The following WDR72 variants were observed in gnomAD, a reference collection of about 807,000 sequenced individuals.
WDR72 encodes the protein WD repeat-containing protein 72.
WDR72 carries 120 observed loss-of-function variants against 124.2 expected under a neutral mutation model. The ratio of observed to expected loss-of-function variants is 0.97; its 90% confidence interval spans 0.83 to 1.12. The LOEUF is 1.12. Ranked by LOEUF, WDR72 falls within the 50% of genes most tolerant of loss-of-function variation. WDR72 has a pLI of 0.00. For missense variants in WDR72, 1,387 were observed against 1,278.8 expected (o/e 1.08, Z -1.29); for synonymous variants, 452 against 441.7 (o/e 1.02, Z -0.29).
At chr15:53,647,755 G>A (rs774401455) in intron 14 of WDR72, among the ~76,000 whole-genome samples, 3 of 152,120 alleles carry the variant, frequency 2.0e-5, no homozygotes, top group Non-Finnish European at 2.9e-5. Context: ...ATGAGATTTG[G>A]GACATTGTTT....
rs180925711 is a variant in WDR72 at position 53,690,538 on chromosome 15, T to C, written c.1765+9212A>G. On this transcript the variant is annotated intron_variant, in intron 13 of 19. Coordinates refer to ENST00000360509, the MANE Select transcript of WDR72 (RefSeq NM_182758.4). ...TCATATAAAAAAGAATCATACAATA[T>C]GTGCATTTTTGTGTATGTCTGACTT... 4.6e-5 allele frequency among the ~76,000 whole-genome samples: 7 copies of C among 152,348 alleles called. No homozygotes were observed. The East Asian group carries it at 9.6e-4, about 21-fold the overall frequency.
intron 18 of WDR72, among the ~76,000 whole-genome samples, chr15:53,584,403 C>T (rs1297179039): frequency 6.6e-6 from 1 of 151,862 alleles, no homozygotes; most frequent in African/African-American, 2.4e-5. Flanking sequence ...GCAAGCTTTC[C>T]CTCCCCTATG....
chr15:53,598,996 C>T (rs902705215), intron 17 of WDR72, among the ~76,000 whole-genome samples: 4 of 151,932 alleles, frequency 2.6e-5, no homozygotes, highest in Admixed American at 1.3e-4. Flanking sequence ...TGGTGGTGCG[C>T]ACCTGTAGTC....
chr15:53,688,404 T>A (rs1332423150), intron 13 of WDR72, among the ~76,000 whole-genome samples: 1 of 148,796 alleles, frequency 6.7e-6, no homozygotes, highest in Admixed American at 6.6e-5. Flanking sequence ...TCACAAGCAT[T>A]CTTATACACC....
chr15:53,538,417 T>C (rs1000700563), intron 18 of WDR72, among the ~76,000 whole-genome samples: 25 of 152,220 alleles, frequency 1.6e-4, no homozygotes, highest in Non-Finnish European at 3.5e-4. Context: ...GAAAGTCTAA[T>C]GAAGCTCAGC....
chr15:53,693,686 A>G (rs1221413492), intron 13 of WDR72, among the ~76,000 whole-genome samples: 1 of 152,242 alleles, frequency 6.6e-6, no homozygotes, highest in Non-Finnish European at 1.5e-5. Flanking sequence ...TAAGAAAAAG[A>G]AATTAAAAGG....
chr15:53,656,049 CAT>C (rs1427706989), intron 14 of WDR72, among the ~76,000 whole-genome samples: 1 of 152,166 alleles, frequency 6.6e-6, no homozygotes, highest in Non-Finnish European at 1.5e-5. Context: ...TATGCGAAGA[CAT>C]AGAACAACTA....
At chr15:53,682,365 T>G (rs1339581434) in intron 13 of WDR72, among the ~76,000 whole-genome samples, 1 of 151,764 alleles carries the variant, frequency 6.6e-6, no homozygotes, top group African/African-American at 2.4e-5. Flanking sequence ...CATGTAAAGA[T>G]GTACACTGGG....
intron 18 of WDR72, among the ~76,000 whole-genome samples, chr15:53,563,596 C>T (rs989374613): frequency 2.0e-5 from 3 of 151,330 alleles, no homozygotes; most frequent in African/African-American, 2.4e-5. Flanking sequence ...TATTAATACC[C>T]CCAAACTAGG....
At chr15:53,534,301 T>C (rs923029343) in intron 18 of WDR72, among the ~76,000 whole-genome samples, 3 of 152,130 alleles carry the variant, frequency 2.0e-5, no homozygotes, top group African/African-American at 7.2e-5. Flanking sequence ...GATCATATTA[T>C]GCAATATCTC....
intron 18 of WDR72, among the ~76,000 whole-genome samples, chr15:53,551,314 A>T (rs1408053509): frequency 1.3e-5 from 2 of 152,002 alleles, no homozygotes; most frequent in African/African-American, 4.8e-5. Context: ...TCCTAAATGC[A>T]ATGAGAAGAT....
chr15:53,744,902 A>C (rs191881284), intron 1 of WDR72, among the ~76,000 whole-genome samples: 2 of 152,264 alleles, frequency 1.3e-5, no homozygotes, highest in East Asian at 3.9e-4. Flanking sequence ...GGGGAACGTA[A>C]CCACCCCAGT....
chr15:53,590,313 T>A (rs1010495036), intron 18 of WDR72, among the ~76,000 whole-genome samples: 4 of 152,068 alleles, frequency 2.6e-5, no homozygotes, highest in African/African-American at 9.7e-5. Flanking sequence ...AGGAACCTTT[T>A]AAATTTTTAA....
At chr15:53,524,515 T>C (rs931752462) in intron 18 of WDR72, among the ~76,000 whole-genome samples, 7 of 152,034 alleles carry the variant, frequency 4.6e-5, no homozygotes, top group African/African-American at 1.2e-4. Flanking sequence ...CAGTCAGCAT[T>C]AGTAGTGTTC....
chr15:53,563,182 T>A (rs996773395), intron 18 of WDR72, among the ~76,000 whole-genome samples: 2 of 151,894 alleles, frequency 1.3e-5, no homozygotes, highest in Non-Finnish European at 2.9e-5. Context: ...ATTGGTAAGA[T>A]GTGATTGAGA....
At chr15:53,705,895 A>G (rs1253441050) in intron 10 of WDR72, 32 bp downstream of exon 10, 1 of 1,613,358 alleles carries the variant, frequency 6.2e-7, no homozygotes, top group Non-Finnish European at 8.5e-7. Flanking sequence ...CATTCTCAGA[A>G]GACATGTTAC....
chr15:53,591,910 C>T (rs1021321009), intron 18 of WDR72, among the ~76,000 whole-genome samples: 5 of 151,976 alleles, frequency 3.3e-5, no homozygotes, highest in African/African-American at 1.2e-4. Flanking sequence ...ATCTACAGGT[C>T]ACCTAAACAG....
At chr15:53,557,278 GTTCAGCA>G (rs1203287857) in intron 18 of WDR72, among the ~76,000 whole-genome samples, 1 of 152,064 alleles carries the variant, frequency 6.6e-6, no homozygotes, top group African/African-American at 2.4e-5. Flanking sequence ...GCTGTGTTGT[GTTCAGCA>G]TTTATTAAAT....
In WDR72 at chr15:53,705,066, C is replaced by A; in HGVS notation, c.1270G>T (p.Glu424Ter). ...PSLDKLICGC[E>*]DGTIIITQAL... is the part of the protein sequence containing the mutation. Reference sequence around the variant, plus strand: ...TGGGTAATGATAATTGTCCCATCTTCACAGCCACATATTAGTTTATCAAGA... The same window carrying A: ...TGGGTAATGATAATTGTCCCATCTTAACAGCCACATATTAGTTTATCAAGA... The change falls in exon 11 of 20, where the codon GAA becomes TAA. Residue 424 changes from glutamate (E) to a stop codon, truncating the protein, a stop_gained. Coordinates refer to ENST00000360509, the MANE Select transcript of WDR72 (RefSeq NM_182758.4). LOFTEE classifies it high-confidence loss of function. The A allele has an allele frequency of 1.9e-6, 3 of 1,614,038 alleles. No homozygotes were observed. The highest frequency in any genetic ancestry group is 2.5e-6 in the Non-Finnish European group (3 of 1,179,990).
Sources: gnomAD v4.1 joint callset for allele counts (sites outside exome capture counted in the v4.1 genomes callset) on GRCh38, gnomAD v4.1.1 for gene constraint, MANE v1.5 for transcripts, NCBI Gene and HGNC (gene_info 2026-07-23, HGNC 2026-07-21) for gene names.